The following PCDH7 variants were observed in gnomAD, a reference collection of about 807,000 sequenced individuals.
The protein encoded by PCDH7 is protocadherin-7.
In PCDH7, 17 loss-of-function variants were observed where a neutral mutation model predicts 58.9. That is an observed-to-expected ratio of 0.29 (90% CI 0.20 to 0.43). The LOEUF is 0.43. Ranked by LOEUF, PCDH7 falls within the 20% of genes least tolerant of loss-of-function variation. The probability of loss-of-function intolerance (pLI) is 1.00; values close to 1 mark genes in which losing one functional copy is unlikely to be tolerated. For missense variants in PCDH7, 1,274 were observed against 1,441.0 expected (o/e 0.88, Z 1.88); for synonymous variants, 664 against 616.4 (o/e 1.08, Z -1.14).
At chr4:30,911,328 C>A (rs890141927) in intron 1 of PCDH7, among the ~76,000 whole-genome samples, 10 of 147,378 alleles carry the variant, frequency 6.8e-5, no homozygotes, top group Non-Finnish European at 1.2e-4. Flanking sequence ...TCACCCCCCC[C>A]CCCAAAAAAA....
chr4:30,769,140 C>G (rs1721091295), intron 1 of PCDH7, among the ~76,000 whole-genome samples: 1 of 152,190 alleles, frequency 6.6e-6, no homozygotes, highest in South Asian at 2.1e-4. Context: ...GAGTTTGGAT[C>G]TAGTTAAGTG....
intron 1 of PCDH7, among the ~76,000 whole-genome samples, chr4:30,826,221 T>C (rs1400610166): frequency 6.6e-6 from 1 of 152,158 alleles, no homozygotes; most frequent in Non-Finnish European, 1.5e-5. Flanking sequence ...TTTAGAATCA[T>C]AAATATTCAT....
At chr4:30,809,394 T>C (rs773648330) in intron 1 of PCDH7, among the ~76,000 whole-genome samples, 1 of 152,086 alleles carries the variant, frequency 6.6e-6, no homozygotes, top group Non-Finnish European at 1.5e-5. Context: ...TTTGAAACTC[T>C]GACCTTGAGA....
intron 3 of PCDH7, among the ~76,000 whole-genome samples, chr4:31,044,282 G>T (rs1302994317): frequency 6.6e-6 from 1 of 152,040 alleles, no homozygotes; most frequent in East Asian, 1.9e-4. Context: ...TACAAACTGT[G>T]CAGAGAAAAG....
intron 1 of PCDH7, among the ~76,000 whole-genome samples, chr4:30,847,545 A>G (rs541831429): frequency 6.6e-6 from 1 of 152,318 alleles, no homozygotes; most frequent in South Asian, 2.1e-4. Flanking sequence ...TGTGAATAGT[A>G]TACAGTTAAA....
chr4:31,040,745 T>A (rs1396058793), intron 3 of PCDH7, among the ~76,000 whole-genome samples: 1 of 151,882 alleles, frequency 6.6e-6, no homozygotes, highest in Non-Finnish European at 1.5e-5. Flanking sequence ...CAATTTGAGT[T>A]AAAAAAAAGA....
At chr4:30,908,356 A>C (rs1741272926) in intron 1 of PCDH7, among the ~76,000 whole-genome samples, 1 of 152,182 alleles carries the variant, frequency 6.6e-6, no homozygotes, top group South Asian at 2.1e-4. Context: ...GTGAAAGCAC[A>C]AATGCCCAAT....
intron 1 of PCDH7, among the ~76,000 whole-genome samples, chr4:30,873,460 AATACAAATTTAATTTGAGATCTAT>A (rs141195057): frequency 1.3e-5 from 2 of 149,412 alleles, no homozygotes; most frequent in Admixed American, 6.7e-5. Flanking sequence ...GTTAAAATTT[AATACAAATTTAATTTGAGATCTAT>A]ATACAAATTT....
intron 3 of PCDH7, among the ~76,000 whole-genome samples, chr4:31,114,013 T>A (rs1282754751): frequency 1.3e-5 from 2 of 152,106 alleles, no homozygotes; most frequent in East Asian, 3.9e-4. Context: ...TTAATATTTT[T>A]AGTAGAGACT....
At chr4:30,980,769 G>T (rs11737647) in intron 3 of PCDH7, among the ~76,000 whole-genome samples, 1 of 151,974 alleles carries the variant, frequency 6.6e-6, no homozygotes, top group Non-Finnish European at 1.5e-5. Flanking sequence ...ATCAATTTTC[G>T]TTAATTTCTG....
At chr4:31,000,638 TTC>T (rs1752290434) in intron 3 of PCDH7, among the ~76,000 whole-genome samples, 1 of 152,094 alleles carries the variant, frequency 6.6e-6, no homozygotes, top group African/African-American at 2.4e-5. Flanking sequence ...CTTTATTATC[TTC>T]TCTCTTATTT....
chr4:30,803,010 A>G (rs558541410), intron 1 of PCDH7, among the ~76,000 whole-genome samples: 1 of 152,272 alleles, frequency 6.6e-6, no homozygotes, highest in East Asian at 1.9e-4. Flanking sequence ...AATTGCACCC[A>G]TGAAAGTGTG....
intron 3 of PCDH7, among the ~76,000 whole-genome samples, chr4:31,035,531 G>T (rs1755336570): frequency 6.6e-6 from 1 of 152,182 alleles, no homozygotes; most frequent in Admixed American, 6.5e-5. Flanking sequence ...TGGGATCACA[G>T]GCTTGAGCCA....
chr4:31,036,637 G>A (rs78566407), intron 3 of PCDH7, among the ~76,000 whole-genome samples: 6,945 of 152,192 alleles, frequency 0.046, 188 homozygotes, highest in African/African-American at 0.066. Context: ...TTCTTTCATC[G>A]AAAATGTTTG....
At chr4:30,988,898 A>T (rs374630583) in intron 3 of PCDH7, among the ~76,000 whole-genome samples, 1 of 152,196 alleles carries the variant, frequency 6.6e-6, no homozygotes, top group Non-Finnish European at 1.5e-5. Context: ...AGAACAATGA[A>T]TGTGATTTTG....
intron 3 of PCDH7, among the ~76,000 whole-genome samples, chr4:31,083,072 C>T (rs1273839585): frequency 1.3e-5 from 2 of 152,080 alleles, no homozygotes; most frequent in African/African-American, 2.4e-5. Context: ...TGCGCCACTG[C>T]ACTCCAGCCT....
chr4:31,028,004 A>G (rs529367777), intron 3 of PCDH7, among the ~76,000 whole-genome samples: 32 of 152,286 alleles, frequency 2.1e-4, no homozygotes, highest in Admixed American at 5.9e-4. Context: ...TTTTGTATTT[A>G]GATGACTTAT....
At chr4:30,797,434 G>A (rs746468788) in intron 1 of PCDH7, among the ~76,000 whole-genome samples, 2 of 151,826 alleles carry the variant, frequency 1.3e-5, no homozygotes, top group African/African-American at 2.4e-5. Context: ...CACCACGCCC[G>A]GCTAATTTTT....
chr4:31,103,335 T>C (rs1485319216), intron 3 of PCDH7, among the ~76,000 whole-genome samples: 1 of 152,080 alleles, frequency 6.6e-6, no homozygotes, highest in Non-Finnish European at 1.5e-5. Flanking sequence ...TTTCTTTTCT[T>C]TTCTTTTTTT....
Sources: allele counts gnomAD v4.1 joint callset (sites outside exome capture counted in the v4.1 genomes callset), GRCh38; gene constraint gnomAD v4.1.1; transcripts MANE v1.5; gene names NCBI Gene and HGNC (gene_info 2026-07-23, HGNC 2026-07-21).